The following KCNG3 variants were observed in gnomAD, a reference collection of about 807,000 sequenced individuals.
KCNG3 encodes voltage-gated potassium channel regulatory subunit KCNG3.
A neutral mutation model predicts 29.0 loss-of-function variants in KCNG3; 15 were observed. The observed-to-expected ratio is 0.52, with a 90% confidence interval of 0.35 to 0.80. The LOEUF (loss-of-function observed/expected upper bound fraction) is 0.80, where lower values mean the gene tolerates loss of function less well. Among genes scored for constraint, KCNG3 ranks in the 30% least tolerant of loss-of-function variants. KCNG3 has a pLI of 0.01. For missense variants in KCNG3, 512 were observed against 605.7 expected (o/e 0.85, Z 1.62); for synonymous variants, 322 against 248.9 (o/e 1.29, Z -2.76).
chr2:42,479,554 G>A (rs921519698), intron 1 of KCNG3, among the ~76,000 whole-genome samples: 2 of 151,712 alleles, frequency 1.3e-5, no homozygotes, highest in Non-Finnish European at 2.9e-5. Flanking sequence ...GCTGAGGCAG[G>A]AGGGTCGCTT....
At chr2:42,479,447 C>A (rs1673524406) in intron 1 of KCNG3, among the ~76,000 whole-genome samples, 1 of 151,288 alleles carries the variant, frequency 6.6e-6, no homozygotes, top group African/African-American at 2.4e-5. Flanking sequence ...AGTTTGAGAC[C>A]AGTTCTGGGC....
At chr2:42,397,466 A>G in the KCNG3 span, among the ~76,000 whole-genome samples, 1 of 152,198 alleles carries the variant, frequency 6.6e-6, no homozygotes, top group South Asian at 2.1e-4. Flanking sequence ...AAAGAGATTG[A>G]AGCTTACCTA....
chr2:42,465,221 CTT>C (rs112588454), intron 1 of KCNG3, among the ~76,000 whole-genome samples: 13 of 144,050 alleles, frequency 9.0e-5, no homozygotes, highest in Non-Finnish European at 6.1e-5. Flanking sequence ...TTCTTTCTTT[CTT>C]TTTTTTTTTT....
the KCNG3 span, among the ~76,000 whole-genome samples, chr2:42,431,013 T>C: frequency 6.7e-6 from 1 of 148,190 alleles, no homozygotes; most frequent in African/African-American, 2.5e-5. Flanking sequence ...GGCTAAGACA[T>C]GAAAATCACT....
the KCNG3 span, among the ~76,000 whole-genome samples, chr2:42,419,191 T>C: frequency 7.4e-6 from 1 of 136,020 alleles, no homozygotes; most frequent in East Asian, 2.5e-4. Flanking sequence ...ATTTCCCAGG[T>C]GGTCACAATA....
chr2:42,481,497 T>G (rs1356050232), intron 1 of KCNG3, among the ~76,000 whole-genome samples: 1 of 152,206 alleles, frequency 6.6e-6, no homozygotes, highest in Non-Finnish European at 1.5e-5. Flanking sequence ...ATACTCCACA[T>G]GCAGACCAAA....
At chr2:42,491,479 T>C (rs1262084886) in intron 1 of KCNG3, among the ~76,000 whole-genome samples, 1 of 152,000 alleles carries the variant, frequency 6.6e-6, no homozygotes, top group Admixed American at 6.6e-5. Context: ...AAATTCCAAG[T>C]CCATTTTCCT....
At chr2:42,461,183 A>C (rs1484073067) in intron 1 of KCNG3, among the ~76,000 whole-genome samples, 154 of 31,888 alleles carry the variant, frequency 4.8e-3, no homozygotes, top group Non-Finnish European at 7.9e-3. Flanking sequence ...AAAACAAAAC[A>C]AAAAAAAAAA....
chr2:42,419,219 C>CTTGTTTTTTTTTTTT, the KCNG3 span, among the ~76,000 whole-genome samples: 1 of 27,712 alleles, frequency 3.6e-5, no homozygotes, highest in Non-Finnish European at 6.7e-5. Context: ...GATGGTATCT[C>CTTGTTTTTTTTTTTT]TTTTTTTTTT....
Position 42,493,525 on chromosome 2 carries a change from G to T in KCNG3, c.-24C>A. 1 of 1,340,978 alleles carries T rather than the reference G, an allele frequency of 7.5e-7. No homozygotes were observed. Among genetic ancestry groups the T allele is most frequent in the Non-Finnish European group, 9.5e-7 (1 of 1,053,596 alleles). 83.1% of individuals were successfully genotyped at this position (1,340,978 alleles called of 1,614,324 possible). The stretch of plus-strand genomic sequence containing the variant: ...ATGGCTGGCCGCCCGGGGGACTTTC[G>T]GCCCGAGGGCCCCGCTGCAGCCCCC... On this transcript the variant is annotated 5_prime_UTR_variant, in exon 1 of 2. Coordinates refer to ENST00000306078, the MANE Select transcript of KCNG3 (RefSeq NM_133329.6).
rs1416182542 is a variant in KCNG3 at position 42,493,038 on chromosome 2, T to G, written c.464A>C (p.Glu155Ala). 1 of 1,519,212 alleles carries G rather than the reference T, an allele frequency of 6.6e-7. No homozygotes were observed. Among genetic ancestry groups the G allele is most frequent in the East Asian group, 2.5e-5 (1 of 39,656 alleles). 94.1% of individuals were successfully genotyped at this position (1,519,212 alleles called of 1,614,324 possible). The change falls in exon 1 of 2, where the codon GAG becomes GCG. Residue 155 changes from glutamate (E) to alanine (A), a missense_variant. By Grantham distance (107) the Glu-to-Ala change is moderately radical. Transcript: ENST00000306078. The stretch of plus-strand genomic sequence containing the variant: ...CTCCTCGAAGGTCCGCCGCATGCGC[T>G]CCAGCCAGCGCCTGGAGGGAGCCGC... ...AEAAPSRRWL[E>A]RMRRTFEEPT... is the part of the protein sequence containing the mutation.
At chr2:42,483,767 T>C (rs1474459304) in intron 1 of KCNG3, among the ~76,000 whole-genome samples, 1 of 152,212 alleles carries the variant, frequency 6.6e-6, no homozygotes, top group East Asian at 1.9e-4. Context: ...GGGAGATTTA[T>C]AAGAACTAAT....
intron 1 of KCNG3, among the ~76,000 whole-genome samples, chr2:42,478,326 C>T (rs1008288137): frequency 6.6e-6 from 1 of 152,154 alleles, no homozygotes; most frequent in Non-Finnish European, 1.5e-5. Context: ...GCCCCGACCT[C>T]CTGGGCTCAA....
chr2:42,455,247 G>A (rs937454223), intron 1 of KCNG3, among the ~76,000 whole-genome samples: 11 of 152,262 alleles, frequency 7.2e-5, no homozygotes, highest in African/African-American at 2.6e-4. Context: ...GGCTACAGGT[G>A]TGAGCCACCA....
At chr2:42,399,706 A>T in the KCNG3 span, among the ~76,000 whole-genome samples, 1 of 152,182 alleles carries the variant, frequency 6.6e-6, no homozygotes, top group Non-Finnish European at 1.5e-5. Flanking sequence ...TGATGGAGAG[A>T]AACTTGTTGC....
chr2:42,472,550 A>G (rs1352307801), intron 1 of KCNG3, among the ~76,000 whole-genome samples: 1 of 151,454 alleles, frequency 6.6e-6, no homozygotes, highest in Non-Finnish European at 1.5e-5. Context: ...CCCAGGCTGG[A>G]GTGCACTGGC....
In KCNG3 at chr2:42,493,317, A is replaced by T. The variant is rs1673962332; in HGVS notation, c.185T>A (p.Phe62Tyr). The change falls in exon 1 of 2, where the codon TTC becomes TAC. Residue 62 changes from phenylalanine to tyrosine, a missense_variant. By Grantham distance (22) the Phe-to-Tyr change is conservative. Transcript: ENST00000306078. Reference protein sequence around the residue: ...DDYDRERNEYFFDRHSEAFGF... With the variant: ...DDYDRERNEYYFDRHSEAFGF... ...GAAGGCCTCCGAGTGCCGGTCGAAG[A>T]AGTACTCGTTGCGCTCGCGGTCGTA... The T allele has an allele frequency of 1.2e-6, 2 of 1,609,446 alleles. No homozygotes were observed. Among genetic ancestry groups the T allele is most frequent in the Non-Finnish European group, 1.7e-6 (2 of 1,178,320 alleles).
chr2:42,466,556 T>C (rs1673145273), intron 1 of KCNG3, among the ~76,000 whole-genome samples: 2 of 152,150 alleles, frequency 1.3e-5, no homozygotes, highest in African/African-American at 2.4e-5. Flanking sequence ...GTGAAGTATG[T>C]AGCAGGCAGT....
chr2:42,421,188 A>T, the KCNG3 span, among the ~76,000 whole-genome samples: 1 of 152,230 alleles, frequency 6.6e-6, no homozygotes, highest in African/African-American at 2.4e-5. Context: ...TGATTACTTG[A>T]ATTTATGTGT....
Sources: allele counts gnomAD v4.1 joint callset (sites outside exome capture counted in the v4.1 genomes callset), GRCh38; gene constraint gnomAD v4.1.1; transcripts MANE v1.5; gene names NCBI Gene and HGNC (gene_info 2026-07-23, HGNC 2026-07-21).